Variants in PELI2 observed in about 807,000 individuals in gnomAD.
The protein encoded by PELI2 is pellino E3 ubiquitin protein ligase family member 2.
A neutral mutation model predicts 42.3 loss-of-function variants in PELI2; 23 were observed. The observed-to-expected ratio is 0.54, with a 90% CI of 0.39 to 0.77. The LOEUF is 0.77. Ranked by LOEUF, PELI2 falls within the 30% of genes least tolerant of loss-of-function variation. PELI2 has a pLI of 0.00. For missense variants in PELI2, 463 were observed against 553.2 expected (o/e 0.84, Z 1.64); for synonymous variants, 245 against 212.2 (o/e 1.15, Z -1.34).
intron 2 of PELI2, among the ~76,000 whole-genome samples, chr14:56,208,026 C>G (rs1445857610): frequency 6.6e-6 from 1 of 152,222 alleles, no homozygotes; most frequent in Non-Finnish European, 1.5e-5. Flanking sequence ...ACATCTCTTG[C>G]ATGTCAGACA....
intron 5 of PELI2, among the ~76,000 whole-genome samples, chr14:56,293,916 C>T (rs555948419): frequency 3.3e-5 from 5 of 152,346 alleles, no homozygotes; most frequent in African/African-American, 1.2e-4. Context: ...CTTCTTACCA[C>T]ATCAGGGTGA....
chr14:56,176,498 A>G (rs999081302), intron 1 of PELI2, among the ~76,000 whole-genome samples: 4 of 152,182 alleles, frequency 2.6e-5, no homozygotes, highest in Admixed American at 2.0e-4. Context: ...TAGCATTTTC[A>G]TTTAACATGC....
intron 1 of PELI2, among the ~76,000 whole-genome samples, chr14:56,168,128 C>T (rs1016904523): frequency 6.6e-6 from 1 of 152,204 alleles, no homozygotes; most frequent in Non-Finnish European, 1.5e-5. Flanking sequence ...CTGGAGCCAG[C>T]ACAGCATTGG....
chr14:56,197,792 A>G lies in PELI2; in HGVS notation c.207+19328A>G, dbSNP rs1461697421. 6.6e-6 allele frequency among the ~76,000 whole-genome samples: 1 copy of G among 152,118 alleles called. No individual in the cohort carries two copies. Among genetic ancestry groups the G allele is most frequent in the Non-Finnish European group, 1.5e-5 (1 of 68,016 alleles). On this transcript the variant is annotated intron_variant, in intron 2 of 5. Transcript: ENST00000267460. The surrounding 1 kb of genome is among the most constrained non-coding windows in gnomAD (Gnocchi z 4.9). The stretch of plus-strand genomic sequence containing the variant: ...AAAAGATTAACCCAATCCAAGCAAG[A>G]GGGAATTATCAGCAGATGGCCTTCA...
At chr14:56,205,438 G>A (rs1228335643) in intron 2 of PELI2, among the ~76,000 whole-genome samples, 2 of 152,096 alleles carry the variant, frequency 1.3e-5, no homozygotes, top group Non-Finnish European at 2.9e-5. Flanking sequence ...AATTCAGCAG[G>A]GAAGAGTTGA....
At chr14:56,274,115 A>G (rs17091196) in intron 2 of PELI2, among the ~76,000 whole-genome samples, 6,830 of 152,266 alleles carry the variant, frequency 0.045, 303 homozygotes, top group East Asian at 0.23. Flanking sequence ...ATACATTTCC[A>G]TGCGCTAGCC....
intron 1 of PELI2, among the ~76,000 whole-genome samples, chr14:56,151,933 G>T (rs975110181): frequency 1.3e-5 from 2 of 152,296 alleles, no homozygotes; most frequent in African/African-American, 4.8e-5. Flanking sequence ...ATAGCCCAAA[G>T]TTGAGCAGTC....
At position 56,118,711 on chromosome 14, in the gene PELI2, G is replaced by A; in HGVS notation, c.51G>A (p.Val17=). The change falls in exon 1 of 6, where the codon GTG becomes GTA. Residue 17 remains valine, a synonymous_variant. Coordinates refer to ENST00000267460, the MANE Select transcript of PELI2 (RefSeq NM_021255.3). ...ACTGCGCCCCCAATAAGGAGCCAGT[G>A]AAATACGGGGAGCTGGTGGTGCTCG... ...EEHCAPNKEP[V]KYGELVVLGY... is the part of the protein sequence containing the mutation. 6.5e-7 allele frequency: 1 copy of A among 1,530,678 alleles called. No homozygotes were observed. The highest frequency in any genetic ancestry group is 2.7e-5 in the East Asian group (1 of 37,298). 94.8% of individuals were successfully genotyped at this position (1,530,678 alleles called of 1,614,324 possible). A position where few individuals can be genotyped will look rare whatever the true frequency, so the allele number is the denominator to read the frequency against.
intron 2 of PELI2, among the ~76,000 whole-genome samples, chr14:56,228,902 A>G (rs1887458222): frequency 6.6e-6 from 1 of 152,192 alleles, no homozygotes; most frequent in Admixed American, 6.5e-5. Context: ...TCCCACCCTA[A>G]TACTGTGCTT....
chr14:56,206,285 A>G (rs917204854), intron 2 of PELI2, among the ~76,000 whole-genome samples: 3 of 152,248 alleles, frequency 2.0e-5, no homozygotes, highest in African/African-American at 4.8e-5. Flanking sequence ...CAAAAGTTGT[A>G]TTAGAATGTG....
intron 2 of PELI2, among the ~76,000 whole-genome samples, chr14:56,240,427 T>C (rs1160738394): frequency 1.3e-5 from 2 of 152,100 alleles, no homozygotes; most frequent in Non-Finnish European, 2.9e-5. Context: ...AGTGAAAGTG[T>C]GAACTGGATT....
At position 56,300,843 on chromosome 14, in the gene PELI2, A is replaced by G. The variant is rs1890151820; in HGVS notation, c.*3677A>G. Reference sequence around the variant, plus strand: ...TGCGCCTCCTTCTGTGCGACCAATGAGACGACTTCAGCATCTTTTTAAAAT... The same window carrying G: ...TGCGCCTCCTTCTGTGCGACCAATGGGACGACTTCAGCATCTTTTTAAAAT... On this transcript the variant is annotated 3_prime_UTR_variant, in exon 6 of 6. Transcript: ENST00000267460. The G allele has an allele frequency of 6.6e-6, 1 of 152,202 alleles. No homozygotes were observed. The highest frequency in any genetic ancestry group is 1.5e-5 in the Non-Finnish European group (1 of 68,040). 9.4% of individuals were successfully genotyped at this position (152,202 alleles called of 1,614,324 possible).
chr14:56,301,029 A>G lies in PELI2; in HGVS notation c.*3863A>G, dbSNP rs1028277561. 4 of 152,336 alleles carry G rather than the reference A, an allele frequency of 2.6e-5. No individual in the cohort carries two copies. The highest frequency in any genetic ancestry group is 9.7e-5 in the African/African-American group (4 of 41,450). The allele number at this position is 152,336 out of a possible 1,614,324, so 9.4% of individuals were successfully genotyped here. On this transcript the variant is annotated 3_prime_UTR_variant, in exon 6 of 6. Coordinates refer to ENST00000267460, the MANE Select transcript of PELI2 (RefSeq NM_021255.3). ...CAGTTTTGCTTGACAGTTTCTAAAC[A>G]AACAAAAATAAACTCAATGAAAGGA...
chr14:56,235,640 A>G (rs1434201040), intron 2 of PELI2, among the ~76,000 whole-genome samples: 1 of 152,264 alleles, frequency 6.6e-6, no homozygotes, highest in Admixed American at 6.5e-5. Flanking sequence ...CCAGGGATAT[A>G]GTGGTACAAG....
intron 1 of PELI2, among the ~76,000 whole-genome samples, chr14:56,175,675 C>A (rs1485620843): frequency 6.6e-6 from 1 of 152,172 alleles, no homozygotes; most frequent in Non-Finnish European, 1.5e-5. Context: ...AATATCTGTG[C>A]CTCTATGCTT....
rs1189032651 is a variant in PELI2, at chr14:56,296,873, C to T, written c.970C>T (p.His324Tyr). Residue 324 changes from histidine to tyrosine, a missense_variant, in exon 6 of 6, where the codon CAT becomes TAT. This residue lies in a region of PELI2 where 103 missense variants were observed against 129.6 expected (regional missense o/e 0.80). Coordinates refer to ENST00000267460, the MANE Select transcript of PELI2 (RefSeq NM_021255.3). Reference protein sequence around the residue: ...GHVHGYHNWGHRSDTEANERE... With the variant: ...GHVHGYHNWGYRSDTEANERE... The stretch of plus-strand genomic sequence containing the variant: ...CGTGCACGGGTACCACAACTGGGGC[C>T]ATCGGAGTGACACGGAGGCCAACGA... 3 of 1,614,114 alleles carry T rather than the reference C, an allele frequency of 1.9e-6. No individual in the cohort carries two copies.
intron 2 of PELI2, among the ~76,000 whole-genome samples, chr14:56,234,109 T>G (rs988064727): frequency 2.6e-5 from 4 of 152,186 alleles, no homozygotes; most frequent in Non-Finnish European, 5.9e-5. Context: ...CAACAGGTGC[T>G]GGAGAGGATG....
intron 2 of PELI2, among the ~76,000 whole-genome samples, chr14:56,238,731 A>C (rs542128532): frequency 2.4e-4 from 37 of 152,356 alleles, no homozygotes; most frequent in African/African-American, 8.2e-4. Context: ...CTAATTGTAC[A>C]GAGACACGAA....
At chr14:56,293,923 G>T (rs921257764) in intron 5 of PELI2, among the ~76,000 whole-genome samples, 1 of 152,146 alleles carries the variant, frequency 6.6e-6, no homozygotes, top group Non-Finnish European at 1.5e-5. Flanking sequence ...CCACATCAGG[G>T]TGATCCTTTA....
Sources: gnomAD v4.1 joint callset for allele counts (sites outside exome capture counted in the v4.1 genomes callset) on GRCh38, gnomAD v4.1.1 for gene constraint, gnomAD v4.1.1 regional missense constraint, Gnocchi (gnomAD v3.1) non-coding constraint, MANE v1.5 for transcripts, NCBI Gene and HGNC (gene_info 2026-07-23, HGNC 2026-07-21) for gene names.